Variants in PRELID2 observed in about 807,000 individuals in gnomAD.
PRELID2 encodes the protein PRELI domain-containing protein 2.
In PRELID2, 25 loss-of-function variants were observed where a neutral mutation model predicts 28.4. The observed-to-expected ratio is 0.88, with a 90% CI of 0.64 to 1.23. The LOEUF (loss-of-function observed/expected upper bound fraction) is 1.23. Among genes scored for constraint, PRELID2 ranks in the 50% most tolerant of loss-of-function variants. The probability of loss-of-function intolerance (pLI) is 0.00; values close to 1 mark genes in which losing one functional copy is unlikely to be tolerated. For missense variants in PRELID2, 201 were observed against 214.4 expected, an observed-to-expected ratio of 0.94 and a Z score of 0.39; for synonymous variants, 76 against 71.6, an observed-to-expected ratio of 1.06 and a Z score of -0.31.
chr5:145,807,531 C>T (rs775909474), intron 4 of PRELID2, among the ~76,000 whole-genome samples: 5 of 151,980 alleles, frequency 3.3e-5, no homozygotes, highest in Non-Finnish European at 7.4e-5. Flanking sequence ...CCAGCTTTAT[C>T]CCTTTTCCCA....
chr5:145,527,932 C>T (rs1344343911), intron 1 of PRELID2, among the ~76,000 whole-genome samples: 1 of 152,106 alleles, frequency 6.6e-6, no homozygotes, highest in African/African-American at 2.4e-5. Flanking sequence ...ATCTCTCCAG[C>T]TTCTTCTTGC....
chr5:145,275,745 T>G, the PRELID2 span, among the ~76,000 whole-genome samples: 3 of 152,102 alleles, frequency 2.0e-5, no homozygotes, highest in Non-Finnish European at 4.4e-5. Context: ...GTCTAATAAT[T>G]TTGAGAGGCT....
At chr5:145,323,710 T>C in the PRELID2 span, among the ~76,000 whole-genome samples, 1 of 152,196 alleles carries the variant, frequency 6.6e-6, no homozygotes, top group South Asian at 2.1e-4. Flanking sequence ...TGAGAACCTA[T>C]GGCATTTTAT....
chr5:145,585,472 T>A (rs1003858359), intron 1 of PRELID2, among the ~76,000 whole-genome samples: 1 of 152,146 alleles, frequency 6.6e-6, no homozygotes, highest in African/African-American at 2.4e-5. Context: ...TTAAAAATGA[T>A]AACAATAATT....
chr5:145,407,062 G>A, the PRELID2 span, among the ~76,000 whole-genome samples: 43 of 152,276 alleles, frequency 2.8e-4, no homozygotes, highest in African/African-American at 1.0e-3. Context: ...TTTTGATTGA[G>A]CACAAATTTT....
chr5:145,787,824 A>G (rs1210037495), intron 5 of PRELID2, among the ~76,000 whole-genome samples: 8 of 152,168 alleles, frequency 5.3e-5, no homozygotes, highest in Non-Finnish European at 7.4e-5. Context: ...TCCAGGCATG[A>G]GCCACCACAC....
At chr5:145,528,230 T>A (rs1007067488) in intron 1 of PRELID2, among the ~76,000 whole-genome samples, 2 of 152,164 alleles carry the variant, frequency 1.3e-5, no homozygotes, top group Admixed American at 1.3e-4. Context: ...TGGAGAGCTA[T>A]GTGATTGTCA....
At chr5:145,245,763 G>A in the PRELID2 span, among the ~76,000 whole-genome samples, 12 of 151,996 alleles carry the variant, frequency 7.9e-5, no homozygotes, top group Non-Finnish European at 1.6e-4. Context: ...ATGAGACCCC[G>A]TATTAGTTGT....
intron 5 of PRELID2, among the ~76,000 whole-genome samples, chr5:145,780,835 A>G (rs920701668): frequency 2.6e-5 from 4 of 152,216 alleles, no homozygotes; most frequent in Non-Finnish European, 5.9e-5. Context: ...TTGGGACTCA[A>G]TAAGAAAGGA....
intron 1 of PRELID2, among the ~76,000 whole-genome samples, chr5:145,594,933 GCCTGGCCAACATGGTGAAA>G (rs1350901718): frequency 4.8e-4 from 73 of 152,004 alleles, no homozygotes. Context: ...TTCAAGATCA[GCCTGGCCAACATGGTGAAA>G]CCCCATCTCT....
chr5:145,514,318 C>CAAAAAAAAAAAA (rs55760860), intron 1 of PRELID2, among the ~76,000 whole-genome samples: 4,925 of 65,238 alleles, frequency 0.075, 323 homozygotes, highest in South Asian at 0.12. Flanking sequence ...AAATGGAAAG[C>CAAAAAAAAAAAA]AAAAAAAAAA....
At chr5:145,397,354 G>T in the PRELID2 span, among the ~76,000 whole-genome samples, 6 of 151,938 alleles carry the variant, frequency 3.9e-5, no homozygotes, top group African/African-American at 1.5e-4. Flanking sequence ...CAAAACACAC[G>T]CCAAAAGAAA....
At chr5:145,761,218 A>C (rs1757459366) in intron 6 of PRELID2, among the ~76,000 whole-genome samples, 1 of 152,324 alleles carries the variant, frequency 6.6e-6, no homozygotes, top group East Asian at 1.9e-4. Context: ...AAATTGCAAA[A>C]TTCCAAAGCT....
intron 1 of PRELID2, among the ~76,000 whole-genome samples, chr5:145,634,998 T>C (rs2149660654): frequency 6.6e-6 from 1 of 152,250 alleles, no homozygotes; most frequent in African/African-American, 2.4e-5. Context: ...CTCCACACAG[T>C]CCTACCTCTG....
At chr5:145,655,146 A>G (rs1445028910) in intron 1 of PRELID2, among the ~76,000 whole-genome samples, 1 of 151,812 alleles carries the variant, frequency 6.6e-6, no homozygotes, top group Non-Finnish European at 1.5e-5. Context: ...ACTCCCATTC[A>G]CAATTGCTTC....
At chr5:145,241,454 A>G in the PRELID2 span, among the ~76,000 whole-genome samples, 123 of 152,100 alleles carry the variant, frequency 8.1e-4, 1 homozygote, top group East Asian at 0.021. Context: ...TGTATATCGC[A>G]TTGCATTTTA....
chr5:145,785,634 T>C (rs1165059999), intron 5 of PRELID2, among the ~76,000 whole-genome samples: 1 of 152,218 alleles, frequency 6.6e-6, no homozygotes, highest in Non-Finnish European at 1.5e-5. Context: ...ACAAGGAATG[T>C]TAAAATTGCA....
intron 1 of PRELID2, 166 bp downstream of exon 1, chr5:145,835,011 A>C: frequency 1.8e-6 from 1 of 545,536 alleles, no homozygotes; most frequent in South Asian, 2.5e-5. Context: ...CGCTCCCTGT[A>C]AAGGGAGTCT....
chr5:145,259,357 C>A, the PRELID2 span, among the ~76,000 whole-genome samples: 1 of 152,142 alleles, frequency 6.6e-6, no homozygotes, highest in Non-Finnish European at 1.5e-5. Flanking sequence ...TGCATTCCTG[C>A]ACCTGGAAAA....
Sources: gnomAD v4.1 joint callset for allele counts (sites outside exome capture counted in the v4.1 genomes callset) on GRCh38, gnomAD v4.1.1 for gene constraint, MANE v1.5 for transcripts, NCBI Gene and HGNC (gene_info 2026-07-23, HGNC 2026-07-21) for gene names.